PCDH11X: variants seen among roughly 807,000 people sequenced by gnomAD.
PCDH11X encodes the protein protocadherin 11 X-linked, also known as protocadherin-11 X-linked.
A neutral mutation model predicts 53.3 loss-of-function variants in PCDH11X; 18 were observed. The ratio of observed to expected loss-of-function variants is 0.34; its 90% CI spans 0.23 to 0.50. The LOEUF is 0.50. Among genes scored for constraint, PCDH11X ranks in the 20% least tolerant of loss-of-function variants. PCDH11X has a pLI of 0.98. For synonymous variants in PCDH11X, 279 were observed against 393.3 expected (o/e 0.71, Z 3.44); for missense variants, 570 against 1,032.4 (o/e 0.55, Z 6.14).
chrX:92,274,928 G>A (rs941894786), intron 8 of PCDH11X, among the ~76,000 whole-genome samples: 19 of 110,297 alleles, frequency 1.7e-4, no homozygotes, highest in Non-Finnish European at 3.4e-4. Context: ...GTCAGGTGTG[G>A]TATCAGGAAT....
intron 10 of PCDH11X, among the ~76,000 whole-genome samples, chrX:92,607,740 T>G (rs1218057455): frequency 2.7e-5 from 3 of 111,936 alleles, no homozygotes; most frequent in Non-Finnish European, 5.7e-5. Context: ...CTATGATGTA[T>G]TATTTTTTGT....
At chrX:92,343,582 T>C (rs1014823109) in intron 8 of PCDH11X, among the ~76,000 whole-genome samples, 15 of 111,202 alleles carry the variant, frequency 1.3e-4, no homozygotes, top group Non-Finnish European at 2.6e-4. Flanking sequence ...GTGAAATGAC[T>C]TTGCCTTTCA....
chrX:92,540,840 A>G (rs1472071842), intron 10 of PCDH11X, among the ~76,000 whole-genome samples: 4 of 107,717 alleles, frequency 3.7e-5, no homozygotes, highest in African/African-American at 1.4e-4. Flanking sequence ...TTGATTCTAG[A>G]TATGTCATCT....
intron 6 of PCDH11X, among the ~76,000 whole-genome samples, chrX:91,945,048 C>CATATACATATATATATAT (rs2061556096): frequency 6.3e-5 from 4 of 63,223 alleles, no homozygotes; most frequent in African/African-American, 2.0e-4. Flanking sequence ...ACATCATATA[C>CATATACATATATATATAT]ATATATATAT....
At chrX:92,046,225 A>G (rs1602747977) in intron 6 of PCDH11X, among the ~76,000 whole-genome samples, 1 of 111,585 alleles carries the variant, frequency 9.0e-6, no homozygotes, top group African/African-American at 3.3e-5. Context: ...CTCTTTTGAG[A>G]ATTGGTCATT....
rs771234070 is a variant in PCDH11X at position 92,360,544 on chromosome X, A to T, written c.3145-27191A>T. Among the ~76,000 whole-genome samples the T allele has an allele frequency of 3.6e-5, 4 of 110,058 alleles. No individual in the cohort carries two copies. The East Asian group carries it at 1.1e-3, about 31-fold the overall frequency. Reference sequence around the variant, plus strand: ...TTCTTTAAAACATTGCAGGGAAAATATTGGAGATCAGCCAACTCAAAACAA... The same window carrying T: ...TTCTTTAAAACATTGCAGGGAAAATTTTGGAGATCAGCCAACTCAAAACAA... On this transcript the variant is annotated intron_variant, in intron 8 of 10. Coordinates refer to ENST00000682573, the MANE Select transcript of PCDH11X (RefSeq NM_032968.5).
At chrX:91,982,104 A>C in intron 6 of PCDH11X, among the ~76,000 whole-genome samples, 1 of 110,927 alleles carries the variant, frequency 9.0e-6, no homozygotes, top group Admixed American at 9.6e-5. Context: ...TGGCTTCATC[A>C]CATCCACCCT....
intron 6 of PCDH11X, among the ~76,000 whole-genome samples, chrX:92,103,493 G>A (rs772136575): frequency 1.8e-3 from 197 of 111,334 alleles, no homozygotes; most frequent in African/African-American, 6.1e-3. Context: ...TGAGGCGATC[G>A]GGCAGCATCA....
At chrX:92,370,454 TTTTTTC>T (rs1420170726) in intron 8 of PCDH11X, among the ~76,000 whole-genome samples, 2 of 38,667 alleles carry the variant, frequency 5.2e-5, no homozygotes, top group East Asian at 2.6e-3. Flanking sequence ...CCATATGTTC[TTTTTTC>T]TTTTTTTTTT....
intron 6 of PCDH11X, among the ~76,000 whole-genome samples, chrX:91,895,935 TG>T (rs1306382709): frequency 9.8e-6 from 1 of 101,925 alleles, no homozygotes; most frequent in East Asian, 3.1e-4. Flanking sequence ...ATTATGTATA[TG>T]TATATATGTA....
chrX:91,843,263 ATGTGTGTGTGTG>A (rs3067347), intron 5 of PCDH11X, among the ~76,000 whole-genome samples: 5 of 91,390 alleles, frequency 5.5e-5, no homozygotes, highest in African/African-American at 1.2e-4. Flanking sequence ...ATACATACTT[ATGTGTGTGTGTG>A]TGTGTGTGTG....
chrX:91,912,910 C>T (rs1458318165), intron 6 of PCDH11X, among the ~76,000 whole-genome samples: 4 of 112,075 alleles, frequency 3.6e-5, no homozygotes, highest in Admixed American at 1.9e-4. Context: ...AACCTACCTT[C>T]GATCACACAT....
intron 7 of PCDH11X, among the ~76,000 whole-genome samples, chrX:92,235,178 T>TA (rs956567388): frequency 1.3e-4 from 15 of 111,204 alleles, no homozygotes; most frequent in African/African-American, 4.9e-4. Context: ...AAAATTTTTT[T>TA]AAATATATTA....
At chrX:91,888,164 GAA>G (rs1425599270) in intron 6 of PCDH11X, among the ~76,000 whole-genome samples, 1 of 111,205 alleles carries the variant, frequency 9.0e-6, no homozygotes, top group Non-Finnish European at 1.9e-5. Flanking sequence ...TTTGTCAAGT[GAA>G]AAAAATCACA....
chrX:92,175,897 T>C (rs191899655), intron 6 of PCDH11X, among the ~76,000 whole-genome samples: 37 of 109,110 alleles, frequency 3.4e-4, no homozygotes, highest in Admixed American at 3.2e-3. Flanking sequence ...CTTTCTAATC[T>C]ATAATTCCAT....
intron 10 of PCDH11X, among the ~76,000 whole-genome samples, chrX:92,509,318 G>A (rs2074122002): frequency 1.8e-5 from 2 of 110,712 alleles, no homozygotes; most frequent in Admixed American, 1.9e-4. Context: ...TACCAGATTG[G>A]CCCACGTTTT....
intron 10 of PCDH11X, among the ~76,000 whole-genome samples, chrX:92,585,445 C>T (rs1159923047): frequency 9.6e-6 from 1 of 104,612 alleles, no homozygotes; most frequent in Non-Finnish European, 1.9e-5. Context: ...TATCTCGGCT[C>T]ACTGCAAGCT....
chrX:92,395,083 A>C (rs2071214483), intron 9 of PCDH11X, among the ~76,000 whole-genome samples: 1 of 111,251 alleles, frequency 9.0e-6, no homozygotes, highest in African/African-American at 3.3e-5. Context: ...CTTAATCAAT[A>C]ATCTTAGAAA....
chrX:92,268,735 T>C (rs2067887511), intron 8 of PCDH11X, among the ~76,000 whole-genome samples: 1 of 111,656 alleles, frequency 9.0e-6, no homozygotes, highest in Admixed American at 9.5e-5. Flanking sequence ...ATTTGATCAG[T>C]GGCAAAAAAT....
Sources: gnomAD v4.1 joint callset for allele counts (sites outside exome capture counted in the v4.1 genomes callset) on GRCh38, gnomAD v4.1.1 for gene constraint, MANE v1.5 for transcripts, NCBI Gene and HGNC (gene_info 2026-07-23, HGNC 2026-07-21) for gene names.